The following SLC66A2 variants were observed in gnomAD, a reference collection of about 807,000 sequenced individuals.
The protein encoded by SLC66A2 is PQ loop repeat containing 1.
Under a neutral mutation model 25.5 loss-of-function variants are expected in SLC66A2, and 23 were observed. The ratio of observed to expected loss-of-function variants is 0.90; its 90% CI spans 0.65 to 1.28. The LOEUF is 1.28. SLC66A2 is among the 50% of genes most tolerant of loss of function. SLC66A2 has a pLI of 0.00. For synonymous variants in SLC66A2, 193 were observed against 166.5 expected (o/e 1.16, Z -1.23); for missense variants, 396 against 373.1 (o/e 1.06, Z -0.51).
chr18:79,909,527 CCA>C (rs1318132098), intron 5 of SLC66A2, among the ~76,000 whole-genome samples: 21 of 92,414 alleles, frequency 2.3e-4, no homozygotes, highest in African/African-American at 4.9e-4. Context: ...CACAACATCA[CCA>C]CAGAGTCCCC....
At chr18:79,922,536 C>T (rs1397984487) in intron 4 of SLC66A2, among the ~76,000 whole-genome samples, 4 of 152,202 alleles carry the variant, frequency 2.6e-5, no homozygotes, top group African/African-American at 4.8e-5. Context: ...TCAGTAAATC[C>T]GTACCACATC....
intron 2 of SLC66A2, chr18:79,949,798 G>C (rs2051056616): frequency 6.6e-6 from 1 of 152,188 alleles, no homozygotes; most frequent in African/African-American, 2.4e-5. Flanking sequence ...CTCTTCATAG[G>C]AAGAGCAGCA....
Position 79,918,437 on chromosome 18 carries a change from T to A in SLC66A2, c.608+747A>T. Among the ~76,000 whole-genome samples, 2 of 106,036 alleles carry A rather than the reference T, an allele frequency of 1.9e-5. No individual in the cohort carries two copies. The highest frequency in any genetic ancestry group is 4.6e-3 in the Middle Eastern group (1 of 218). The allele number at this position is 106,036 out of a possible 152,430, so 69.6% of individuals were successfully genotyped here. ...AGCGGGCCCGGGGGGGGGTCCCCAG[T>A]GAGGAGCGGGCACCGGGGAGGGTCC... On this transcript the variant is annotated intron_variant, in intron 5 of 5. Transcript: ENST00000397778. The surrounding 1 kb of genome is among the most constrained non-coding windows in gnomAD (Gnocchi z 4.0).
chr18:79,912,172 G>C (rs1040039856), intron 5 of SLC66A2, among the ~76,000 whole-genome samples: 2 of 151,916 alleles, frequency 1.3e-5, no homozygotes, highest in African/African-American at 4.8e-5. Context: ...GGGGATGGGA[G>C]CAGGGAGGGG....
chr18:79,918,241 G>A lies in SLC66A2; in HGVS notation c.608+943C>T, dbSNP rs181701830. On this transcript the variant is annotated intron_variant, in intron 5 of 5. Transcript: ENST00000397778. The surrounding 1 kb of genome is among the most constrained non-coding windows in gnomAD (Gnocchi z 4.0). ...GGCACCCGTTCTCCAACACAAAAAC[G>A]CGTCAGCCCCTCTCTTCCAGGCTGT... 1.2e-3 allele frequency among the ~76,000 whole-genome samples: 185 copies of A among 152,292 alleles called. 1 individual carries two copies. Among genetic ancestry groups the A allele is most frequent in the African/African-American group, 3.3e-3 (136 of 41,550 alleles).
intron 4 of SLC66A2, among the ~76,000 whole-genome samples, chr18:79,928,375 G>A (rs541432349): frequency 6.6e-6 from 1 of 152,302 alleles, no homozygotes; most frequent in South Asian, 2.1e-4. Flanking sequence ...CAAGAGCGTT[G>A]CTCTGCCAGC....
chr18:79,928,422 C>T (rs1203404389), intron 4 of SLC66A2, among the ~76,000 whole-genome samples: 1 of 152,194 alleles, frequency 6.6e-6, no homozygotes, highest in African/African-American at 2.4e-5. Context: ...ATCAGGGTTT[C>T]AGCCAGGTCA....
intron 2 of SLC66A2, 184 bp from the exon 3 acceptor site, chr18:79,943,646 C>T: frequency 1.6e-6 from 1 of 630,276 alleles, no homozygotes; most frequent in South Asian, 2.1e-5. Context: ...CAGTCCCGAA[C>T]CTGCAGCGGG....
At chr18:79,949,253 G>C in intron 2 of SLC66A2, among the ~76,000 whole-genome samples, 1 of 152,196 alleles carries the variant, frequency 6.6e-6, no homozygotes, top group Admixed American at 6.5e-5. Flanking sequence ...GAAGGCCACG[G>C]AGCAGGGAGC....
At chr18:79,926,254 C>A (rs1985935406) in intron 4 of SLC66A2, among the ~76,000 whole-genome samples, 1 of 152,168 alleles carries the variant, frequency 6.6e-6, no homozygotes, top group South Asian at 2.1e-4. Context: ...CTTTACTTCC[C>A]TAATAAACTT....
rs779287489 is a variant in SLC66A2 at position 79,933,949 on chromosome 18, T to C, written c.391+20A>G. The C allele has an allele frequency of 6.8e-6, 11 of 1,607,070 alleles. No individual in the cohort carries two copies. The highest frequency in any genetic ancestry group is 1.7e-4 in the Middle Eastern group (1 of 6,048). On this transcript the variant is annotated intron_variant, in intron 4 of 5. Coordinates refer to ENST00000397778, the MANE Select transcript of SLC66A2 (RefSeq NM_025078.5). ...AGCAAAAGGAACGTGCTGCGGACAG[T>C]GCACGCGCAGGGTACATACCCAGGA...
chr18:79,924,384 C>A lies in SLC66A2; in HGVS notation c.392-4984G>T, dbSNP rs567695381. On this transcript the variant is annotated intron_variant, in intron 4 of 5. Coordinates refer to ENST00000397778, the MANE Select transcript of SLC66A2 (RefSeq NM_025078.5). ...CCATGAAGTGTCCAGCACAGGCGAG[C>A]GCACAGACAGCAGACGAGCCGCCGT... Among the ~76,000 whole-genome samples, 3 of 152,242 alleles carry A rather than the reference C, an allele frequency of 2.0e-5. No homozygotes were observed. In the East Asian group the frequency reaches 5.8e-4, roughly 29 times the overall value.
chr18:79,903,824 T>C lies in SLC66A2; in HGVS notation c.*152A>G. The C allele has an allele frequency of 1.4e-5, 6 of 427,668 alleles. No homozygotes were observed. The highest frequency in any genetic ancestry group is 4.3e-5 in the African/African-American group (2 of 46,690). 26.5% of individuals were successfully genotyped at this position (427,668 alleles called of 1,614,324 possible). A position where few individuals can be genotyped will look rare whatever the true frequency, so the allele number is the denominator to read the frequency against. Reference sequence around the variant, plus strand: ...CCAGCCCCACCCCCACTGCCCACCCTGAGACACCCCACAGAGGCTGATGGA... The same window carrying C: ...CCAGCCCCACCCCCACTGCCCACCCCGAGACACCCCACAGAGGCTGATGGA... On this transcript the variant is annotated 3_prime_UTR_variant, in exon 6 of 6. Coordinates refer to ENST00000397778, the MANE Select transcript of SLC66A2 (RefSeq NM_025078.5).
chr18:79,925,841 T>C (rs1187677551), intron 4 of SLC66A2, among the ~76,000 whole-genome samples: 3 of 152,210 alleles, frequency 2.0e-5, no homozygotes, highest in South Asian at 2.1e-4. Context: ...AGCAACTCCA[T>C]TGTGAATAGA....
At chr18:79,929,124 G>A (rs1389321411) in intron 4 of SLC66A2, among the ~76,000 whole-genome samples, 2 of 152,220 alleles carry the variant, frequency 1.3e-5, no homozygotes, top group African/African-American at 4.8e-5. Context: ...AGAGGAGCTA[G>A]AAGCTCCATG....
rs1262163383 is a variant in SLC66A2 at position 79,917,488 on chromosome 18, C to G, written c.608+1696G>C. Among the ~76,000 whole-genome samples, 1 of 152,170 alleles carries G rather than the reference C, an allele frequency of 6.6e-6. No individual in the cohort carries two copies. The highest frequency in any genetic ancestry group is 2.4e-5 in the African/African-American group (1 of 41,438). ...TGGCACCCAGGCACCTCCCACAGAT[C>G]TCCAGGTCGCAAGCTCGGCACGCGG... On this transcript the variant is annotated intron_variant, in intron 5 of 5. Transcript: ENST00000397778. This position sits in a 1 kb window ranked among gnomAD's most constrained non-coding sequence, Gnocchi z 6.0.
chr18:79,903,140 C>T lies in SLC66A2; in HGVS notation c.*836G>A, dbSNP rs1981474579. On this transcript the variant is annotated 3_prime_UTR_variant, in exon 6 of 6. Transcript: ENST00000397778. ...TCTGCACCCAGAAGGAAGGGGATCT[C>T]CGCCAGCAGAGCCCAAGAGTGGCGT... 6.6e-6 allele frequency: 1 copy of T among 152,366 alleles called. No individual in the cohort carries two copies. Among genetic ancestry groups the T allele is most frequent in the Admixed American group, 6.5e-5 (1 of 15,294 alleles). The allele number at this position is 152,366 out of a possible 1,614,324, so 9.4% of individuals were successfully genotyped here.
At chr18:79,923,758 TAAAACATGGCCAGGCGC>T (rs1305218381) in intron 4 of SLC66A2, among the ~76,000 whole-genome samples, 2 of 152,180 alleles carry the variant, frequency 1.3e-5, no homozygotes, top group Admixed American at 1.3e-4. Flanking sequence ...CATCGAAATC[TAAAACATGGCCAGGCGC>T]AGTGGCTCAC....
intron 5 of SLC66A2, among the ~76,000 whole-genome samples, chr18:79,909,867 CCA>C (rs1276554810): frequency 7.0e-5 from 10 of 142,090 alleles, no homozygotes; most frequent in South Asian, 4.7e-4. Context: ...CACCATCTCA[CCA>C]CAGAGTCCCC....
Sources: gnomAD v4.1 joint callset for allele counts (sites outside exome capture counted in the v4.1 genomes callset) on GRCh38, gnomAD v4.1.1 for gene constraint, Gnocchi (gnomAD v3.1) non-coding constraint, MANE v1.5 for transcripts, NCBI Gene and HGNC (gene_info 2026-07-23, HGNC 2026-07-21) for gene names.